The following ANK3 variants were observed in gnomAD, a reference collection of about 807,000 sequenced individuals.
ANK3 encodes the protein ankyrin-3.
Under a neutral mutation model 370.9 loss-of-function variants are expected in ANK3, and 57 were observed. That is an observed-to-expected ratio of 0.15 (90% CI 0.12 to 0.19). The LOEUF is 0.19. Among genes scored for constraint, ANK3 ranks in the 10% least tolerant of loss-of-function variants. ANK3 has a pLI of 1.00. For synonymous variants in ANK3, 1,929 were observed against 1,946.3 expected (o/e 0.99, Z 0.23); for missense variants, 4,439 against 5,302.1 (o/e 0.84, Z 5.06).
chr10:60,622,866 C>A (rs1482873043), intron 1 of ANK3, among the ~76,000 whole-genome samples: 2 of 152,134 alleles, frequency 1.3e-5, no homozygotes, highest in Non-Finnish European at 2.9e-5. Flanking sequence ...TCTACAAAAT[C>A]CCTGATCTAT....
chr10:60,039,477 T>C (rs921846702), intron 43 of ANK3, among the ~76,000 whole-genome samples: 1 of 152,184 alleles, frequency 6.6e-6, no homozygotes, highest in African/African-American at 2.4e-5. Context: ...AATAAAAAAC[T>C]ATGAGTCCTT....
At chr10:60,634,477 T>C (rs2078525304) in intron 1 of ANK3, among the ~76,000 whole-genome samples, 1 of 152,100 alleles carries the variant, frequency 6.6e-6, no homozygotes, top group Admixed American at 6.5e-5. Flanking sequence ...ATCGGCACTC[T>C]GTAAAACAGA....
At chr10:60,100,678 A>G (rs2091099192) in intron 28 of ANK3, among the ~76,000 whole-genome samples, 1 of 152,216 alleles carries the variant, frequency 6.6e-6, no homozygotes, top group South Asian at 2.1e-4. Context: ...TGTTCCTAGC[A>G]TTGTAAAATT....
At chr10:60,433,754 C>A (rs2064090782) in intron 2 of ANK3, among the ~76,000 whole-genome samples, 1 of 152,212 alleles carries the variant, frequency 6.6e-6, no homozygotes, top group African/African-American at 2.4e-5. Flanking sequence ...TAGAAAAACA[C>A]TCTTACTACA....
intron 1 of ANK3, among the ~76,000 whole-genome samples, chr10:60,374,926 T>C (rs1271737683): frequency 1.3e-5 from 2 of 151,822 alleles, no homozygotes; most frequent in Non-Finnish European, 2.9e-5. Flanking sequence ...AGTGGAAAAA[T>C]GAGGTTACAA....
At position 60,346,029 on chromosome 10, in the gene ANK3, T is replaced by A. The variant is rs180727377; in HGVS notation, c.114+43396A>T. ...GGGGGAAAAGGTAGATTATTCATAA[T>A]GATTGGGTCGAGAACATGTGGTTGG... On this transcript the variant is annotated intron_variant, in intron 1 of 43. Coordinates refer to ENST00000280772, the MANE Select transcript of ANK3 (RefSeq NM_020987.5). 1.5e-3 allele frequency among the ~76,000 whole-genome samples: 224 copies of A among 152,230 alleles called. 1 individual carries two copies. The highest frequency in any genetic ancestry group is 5.1e-3 in the African/African-American group (213 of 41,570).
intron 4 of ANK3, among the ~76,000 whole-genome samples, chr10:60,270,488 G>A (rs916377125): frequency 6.6e-6 from 1 of 152,032 alleles, no homozygotes; most frequent in Non-Finnish European, 1.5e-5. Context: ...AATAGTCCAA[G>A]TATAATTCAA....
At chr10:60,519,676 G>T (rs943206847) in intron 2 of ANK3, among the ~76,000 whole-genome samples, 1 of 152,008 alleles carries the variant, frequency 6.6e-6, no homozygotes, top group African/African-American at 2.4e-5. Flanking sequence ...ATGTATATTC[G>T]ACACCTACTA....
intron 2 of ANK3, among the ~76,000 whole-genome samples, chr10:60,567,312 C>T (rs1822260): frequency 0.47 from 72,116 of 151,886 alleles, 17,465 homozygotes; most frequent in Non-Finnish European, 0.52. Context: ...TCACTTACCA[C>T]TCTAAAAATC....
rs34027235 is a variant in ANK3 at position 60,347,054 on chromosome 10, G to GAT, written c.114+42369_114+42370dup. Among the ~76,000 whole-genome samples, 473 of 142,518 alleles carry GAT rather than the reference G, an allele frequency of 3.3e-3. 2 individuals carry two copies. Among genetic ancestry groups the GAT allele is most frequent in the African/African-American group, 8.1e-3 (313 of 38,442 alleles). 93.5% of individuals were successfully genotyped at this position (142,518 alleles called of 152,430 possible). A position where few individuals can be genotyped will look rare whatever the true frequency, so the allele number is the denominator to read the frequency against. The stretch of plus-strand genomic sequence containing the variant: ...AGTACTGCATTAGCAAGAAATATAT[G>GAT]ATATATATATATATATATATTGCAT... On this transcript the variant is annotated intron_variant, in intron 1 of 43. Transcript: ENST00000280772.
chr10:60,451,686 G>A (rs2064606798), intron 2 of ANK3, among the ~76,000 whole-genome samples: 1 of 152,166 alleles, frequency 6.6e-6, no homozygotes, highest in South Asian at 2.1e-4. Flanking sequence ...CAGTCAGCTG[G>A]GGCCCAAGGA....
intron 28 of ANK3, among the ~76,000 whole-genome samples, chr10:60,094,646 C>CA (rs2089674878): frequency 6.6e-6 from 1 of 151,958 alleles, no homozygotes. Context: ...ATCTCTTCTT[C>CA]AAGGGCTGCA....
At position 60,213,593 on chromosome 10, in the gene ANK3, C is replaced by G. The variant is rs2096889888; in HGVS notation, c.898-83G>C. The G allele has an allele frequency of 7.8e-6, 6 of 773,522 alleles. No homozygotes were observed. The East Asian group carries it at 1.7e-4, about 22-fold the overall frequency. 47.9% of individuals were successfully genotyped at this position (773,522 alleles called of 1,614,324 possible). Reference sequence around the variant, plus strand: ...TGTACTTCTTCAAGATCCAGCATGGCACCCAACATGCTGTGGTCAAGCGGG... The same window carrying G: ...TGTACTTCTTCAAGATCCAGCATGGGACCCAACATGCTGTGGTCAAGCGGG... On this transcript the variant is annotated intron_variant, in intron 8 of 43. Coordinates refer to ENST00000280772, the MANE Select transcript of ANK3 (RefSeq NM_020987.5).
At chr10:60,694,053 A>G (rs975522085) in intron 1 of ANK3, among the ~76,000 whole-genome samples, 4 of 152,132 alleles carry the variant, frequency 2.6e-5, no homozygotes, top group Non-Finnish European at 5.9e-5. Flanking sequence ...GAAGTGCTTA[A>G]AGGAGCTGAT....
chr10:60,116,778 G>A (rs377485024), intron 25 of ANK3, among the ~76,000 whole-genome samples: 1 of 151,316 alleles, frequency 6.6e-6, no homozygotes, highest in Admixed American at 6.6e-5. Flanking sequence ...GTCCTAGAAA[G>A]AAAAAAAATT....
intron 28 of ANK3, among the ~76,000 whole-genome samples, chr10:60,101,591 G>A (rs568328228): frequency 5.3e-5 from 8 of 152,296 alleles, no homozygotes; most frequent in South Asian, 2.1e-4. Context: ...TGCTGCCAAA[G>A]TTAAAGTTGT....
upstream of ANK3, among the ~76,000 whole-genome samples, chr10:60,393,754 T>C (rs370589704): frequency 7.2e-5 from 11 of 152,318 alleles, no homozygotes; most frequent in East Asian, 2.1e-3. Context: ...GTCTACCTTG[T>C]TGAGCTGAGT....
intron 1 of ANK3, among the ~76,000 whole-genome samples, chr10:60,291,310 T>C (rs1156511612): frequency 2.6e-5 from 4 of 152,296 alleles, no homozygotes; most frequent in Non-Finnish European, 5.9e-5. Context: ...GGAGAATTTG[T>C]GTCTTAATAA....
chr10:60,142,045 C>T (rs898881362), intron 23 of ANK3, among the ~76,000 whole-genome samples: 12 of 152,232 alleles, frequency 7.9e-5, no homozygotes, highest in Middle Eastern at 6.8e-3. Flanking sequence ...TATTTCGAAT[C>T]GAAACTACAG....
Sources: allele counts gnomAD v4.1 joint callset (sites outside exome capture counted in the v4.1 genomes callset), GRCh38; gene constraint gnomAD v4.1.1; transcripts MANE v1.5; gene names NCBI Gene and HGNC (gene_info 2026-07-23, HGNC 2026-07-21).